STRAP: variants seen among roughly 807,000 people sequenced by gnomAD.
The protein encoded by STRAP is serine/threonine kinase receptor associated protein.
A neutral mutation model predicts 47.0 loss-of-function variants in STRAP; 16 were observed. The ratio of observed to expected loss-of-function variants is 0.34; its 90% CI spans 0.23 to 0.52. The LOEUF (loss-of-function observed/expected upper bound fraction) is 0.52, where lower values mean the gene tolerates loss of function less well. Among genes scored for constraint, STRAP ranks in the 20% least tolerant of loss-of-function variants. STRAP has a pLI of 0.96. For synonymous variants in STRAP, 130 were observed against 142.7 expected, an observed-to-expected ratio of 0.91 and a Z score of 0.63; for missense variants, 293 against 420.0, an observed-to-expected ratio of 0.70 and a Z score of 2.64.
Position 15,890,219 on chromosome 12 carries a change from G to A in STRAP, c.330+210G>A, listed in dbSNP as rs1022444340. ...TCAAGCTTTTAAGATACTGTGGAACGAGTACCAGTCCTTCAACATGTAAAA... is the reference window on the plus strand; with the variant it reads ...TCAAGCTTTTAAGATACTGTGGAACAAGTACCAGTCCTTCAACATGTAAAA... On this transcript the variant is annotated intron_variant, in intron 3 of 9. Transcript: ENST00000419869. This position sits in a 1 kb window ranked among gnomAD's most constrained non-coding sequence, Gnocchi z 4.5. 1.3e-5 allele frequency among the ~76,000 whole-genome samples: 2 copies of A among 152,152 alleles called. No individual in the cohort carries two copies. Among genetic ancestry groups the A allele is most frequent in the Non-Finnish European group, 2.9e-5 (2 of 68,034 alleles).
intron 4 of STRAP, among the ~76,000 whole-genome samples, chr12:15,892,694 T>G (rs1403692283): frequency 6.6e-6 from 1 of 152,236 alleles, no homozygotes; most frequent in African/African-American, 2.4e-5. Context: ...AAAGCGCATT[T>G]GCAGATTTTT....
intron 2 of STRAP, among the ~76,000 whole-genome samples, chr12:15,885,770 CTTTA>C (rs1357655584): frequency 6.6e-6 from 1 of 151,960 alleles, no homozygotes. Flanking sequence ...GCCTCATGCA[CTTTA>C]TTTAACCATT....
At chr12:15,901,541 AGCTAGATCATCTGAGGGCCTCATTT>A (rs1278937806) in intron 9 of STRAP, among the ~76,000 whole-genome samples, 1 of 152,206 alleles carries the variant, frequency 6.6e-6, no homozygotes, top group Non-Finnish European at 1.5e-5. Flanking sequence ...AAGCTGGAGA[AGCTAGATCATCTGAGGGCCTCATTT>A]GCTGTATTAG....
chr12:15,883,945 G>C (rs1409011404), intron 2 of STRAP, among the ~76,000 whole-genome samples: 1 of 152,194 alleles, frequency 6.6e-6, no homozygotes, highest in East Asian at 1.9e-4. Context: ...AAACGCACCA[G>C]ATAATGAATG....
chr12:15,884,675 C>A (rs181373632), intron 2 of STRAP, among the ~76,000 whole-genome samples: 2 of 152,056 alleles, frequency 1.3e-5, no homozygotes, highest in South Asian at 4.1e-4. Flanking sequence ...GCTGGGGTTA[C>A]GGGGGTGAAC....
At chr12:15,897,713 ATT>A (rs367620027) in intron 6 of STRAP, among the ~76,000 whole-genome samples, 167 bp from the exon 7 acceptor site, 29 of 118,622 alleles carry the variant, frequency 2.4e-4, no homozygotes, top group Admixed American at 4.2e-4. Context: ...TATCCATTTG[ATT>A]TTTTTTTTTT....
In STRAP at chr12:15,896,253, A is replaced by G. The variant is rs1376120045; in HGVS notation, c.638+757A>G. The stretch of plus-strand genomic sequence containing the variant: ...TGTCTCAAAAAAAACAAAAAACAAA[A>G]AAACAGTGTGATCTTGATTCTACTA... On this transcript the variant is annotated intron_variant, in intron 6 of 9. Transcript: ENST00000419869. This position sits in a 1 kb window ranked among gnomAD's most constrained non-coding sequence, Gnocchi z 4.1. Among the ~76,000 whole-genome samples, 6 of 152,156 alleles carry G rather than the reference A, an allele frequency of 3.9e-5. No homozygotes were observed. Among genetic ancestry groups the G allele is most frequent in the African/African-American group, 1.4e-4 (6 of 41,424 alleles).
At chr12:15,901,841 T>A (rs111988775) in intron 9 of STRAP, among the ~76,000 whole-genome samples, 12,027 of 136,478 alleles carry the variant, frequency 0.088, 1,742 homozygotes, top group African/African-American at 0.3. Flanking sequence ...AGCTTGGGTG[T>A]CAGAGAGAGA....
chr12:15,897,777 G>C (rs1014231378), intron 6 of STRAP, 105 bp from the exon 7 acceptor site: 26 of 536,628 alleles, frequency 4.8e-5, no homozygotes, highest in Non-Finnish European at 6.6e-5. Flanking sequence ...GAGTAAATGA[G>C]TATTTAATTG....
rs762941059 is a variant in STRAP at position 15,894,011 on chromosome 12, T to C, written c.404-36T>C. The stretch of plus-strand genomic sequence containing the variant: ...ATATTGTTCAGTTTAAAAAATCATA[T>C]ATTAACAAATGTACTTTAAATTGTT... On this transcript the variant is annotated intron_variant, in intron 4 of 9. Coordinates refer to ENST00000419869, the MANE Select transcript of STRAP (RefSeq NM_007178.4). This position sits in a 1 kb window ranked among gnomAD's most constrained non-coding sequence, Gnocchi z 4.9. 15 of 1,440,334 alleles carry C rather than the reference T, an allele frequency of 1.0e-5. No homozygotes were observed. The highest frequency in any genetic ancestry group is 2.4e-5 in the South Asian group (2 of 84,586). The allele number at this position is 1,440,334 out of a possible 1,614,324, so 89.2% of individuals were successfully genotyped here.
At chr12:15,897,815 G>A in intron 6 of STRAP, 67 bp from the exon 7 acceptor site, 2 of 1,176,896 alleles carry the variant, frequency 1.7e-6, no homozygotes. Context: ...TTTAAGAACA[G>A]TTCAAATGTA....
chr12:15,892,031 A>G (rs986313852), intron 4 of STRAP, among the ~76,000 whole-genome samples: 1 of 152,200 alleles, frequency 6.6e-6, no homozygotes, highest in African/African-American at 2.4e-5. Context: ...GTATGTATCT[A>G]TACCCAACAT....
intron 1 of STRAP, chr12:15,883,030 T>TA: frequency 1.3e-6 from 2 of 1,527,878 alleles, no homozygotes; most frequent in Non-Finnish European, 1.8e-6. Context: ...TAGAAACTAT[T>TA]ACCTCCAACT....
Position 15,894,660 on chromosome 12 carries a change from G to A in STRAP, c.500+517G>A, listed in dbSNP as rs948486549. On this transcript the variant is annotated intron_variant, in intron 5 of 9. Transcript: ENST00000419869. The surrounding 1 kb of genome is among the most constrained non-coding windows in gnomAD (Gnocchi z 4.9). The stretch of plus-strand genomic sequence containing the variant: ...TGAAATTTGAAACGCTCTGAAATCT[G>A]AGACTTTGAGTGCCGACTTGATGCT... 6.6e-6 allele frequency among the ~76,000 whole-genome samples: 1 copy of A among 152,270 alleles called. No individual in the cohort carries two copies.
rs1948120951 is a variant in STRAP at position 15,903,465 on chromosome 12, C to G, written c.*487C>G. The G allele has an allele frequency of 6.6e-6, 1 of 152,066 alleles. No homozygotes were observed. Among genetic ancestry groups the G allele is most frequent in the African/African-American group, 2.4e-5 (1 of 41,408 alleles). The allele number at this position is 152,066 out of a possible 1,614,324, so 9.4% of individuals were successfully genotyped here. On this transcript the variant is annotated 3_prime_UTR_variant, in exon 10 of 10. Transcript: ENST00000419869. ...TGTTTTTAGTTGTCTAAATAAAATG[C>G]CTCTAAAACAAAACAATGTTTGGTT...
At chr12:15,886,745 A>G (rs1171341385) in intron 2 of STRAP, among the ~76,000 whole-genome samples, 3 of 151,304 alleles carry the variant, frequency 2.0e-5, no homozygotes, top group Non-Finnish European at 4.4e-5. Context: ...TTTAGAAACA[A>G]TTTTTTTTTC....
At chr12:15,885,694 T>C (rs1038765316) in intron 2 of STRAP, among the ~76,000 whole-genome samples, 14 of 152,148 alleles carry the variant, frequency 9.2e-5, no homozygotes, top group African/African-American at 3.1e-4. Context: ...TCTCAATGTC[T>C]GTGTTTACAA....
At chr12:15,900,914 G>A (rs1236398521) in intron 8 of STRAP, 33 bp from the exon 9 acceptor site, 6 of 1,551,942 alleles carry the variant, frequency 3.9e-6, no homozygotes, top group Non-Finnish European at 5.2e-6. Context: ...AATAGTGTAA[G>A]TCATATAATC....
chr12:15,900,087 A>T (rs1019786152), intron 8 of STRAP, 34 bp downstream of exon 8: 4 of 1,573,638 alleles, frequency 2.5e-6, no homozygotes, highest in Non-Finnish European at 3.5e-6. Context: ...TAAAATTTTT[A>T]AAATGCATGA....
Sources: gnomAD v4.1 joint callset for allele counts (sites outside exome capture counted in the v4.1 genomes callset) on GRCh38, gnomAD v4.1.1 for gene constraint, Gnocchi (gnomAD v3.1) non-coding constraint, MANE v1.5 for transcripts, NCBI Gene and HGNC (gene_info 2026-07-23, HGNC 2026-07-21) for gene names.